The following ALG12 variants were observed in gnomAD, a reference collection of about 807,000 sequenced individuals.
The protein encoded by ALG12 is ALG12 alpha-1,6-mannosyltransferase, also known as dol-P-Man:Man(7)GlcNAc(2)-PP-Dol alpha-1,6-mannosyltransferase.
Under a neutral mutation model 46.0 loss-of-function variants are expected in ALG12, and 36 were observed. The ratio of observed to expected loss-of-function variants is 0.78; its 90% confidence interval spans 0.60 to 1.03. The LOEUF (loss-of-function observed/expected upper bound fraction) is 1.03, where lower values mean the gene tolerates loss of function less well. Ranked by LOEUF, ALG12 falls within the 50% of genes least tolerant of loss-of-function variation. The pLI, the probability that ALG12 is intolerant of heterozygous loss-of-function variation, is 0.00. For synonymous variants in ALG12, 326 were observed against 291.6 expected (o/e 1.12, Z -1.20); for missense variants, 599 against 633.5 (o/e 0.95, Z 0.58).
downstream of ALG12, among the ~76,000 whole-genome samples, chr22:49,899,282 C>G (rs1027269437): frequency 6.6e-6 from 1 of 152,044 alleles, no homozygotes; most frequent in Non-Finnish European, 1.5e-5. Context: ...CGAGACCAGC[C>G]TGGCCAATAT....
chr22:49,867,581 C>T, the ALG12 span, among the ~76,000 whole-genome samples: 1 of 152,208 alleles, frequency 6.6e-6, no homozygotes, highest in Non-Finnish European at 1.5e-5. Context: ...CCTGACCCTC[C>T]TCTGCTTTGC....
rs1243168247 is a variant in ALG12 at position 49,909,961 on chromosome 22, C to T, written c.597G>A (p.Leu199=). 1.2e-6 allele frequency: 2 copies of T among 1,614,090 alleles called. No individual in the cohort carries two copies. The highest frequency in any genetic ancestry group is 2.2e-5 in the South Asian group (2 of 91,086). Residue 199 remains leucine (L), a synonymous_variant, in exon 5 of 10, where the codon TTG becomes TTA. Transcript: ENST00000330817. ...TGACTACAGAAACCTTTCGGTTGCC[C>T]AAGGCCAGCAGCAGCAGGAGGCCCA... The part of the protein sequence containing the change: ...LFLGLLLLLA[L]GNRKVSVVRA...
intron 3 of ALG12, among the ~76,000 whole-genome samples, chr22:49,911,210 ACTT>A (rs2060574799): frequency 6.6e-6 from 1 of 152,084 alleles, no homozygotes; most frequent in African/African-American, 2.4e-5. Context: ...AGAAAAATGA[ACTT>A]CTGGGTGGCT....
chr22:49,914,324 C>T (rs2060598215), intron 1 of ALG12, among the ~76,000 whole-genome samples: 1 of 152,248 alleles, frequency 6.6e-6, no homozygotes, highest in Admixed American at 6.5e-5. Context: ...GAACGTAGTA[C>T]AGCTGCTGGG....
At chr22:49,912,057 G>A (rs1254850186) in intron 3 of ALG12, among the ~76,000 whole-genome samples, 3 of 133,252 alleles carry the variant, frequency 2.3e-5, no homozygotes, top group South Asian at 2.5e-4. Context: ...AGCCTCGGCC[G>A]CGGGATCAGC....
At chr22:49,914,284 T>C (rs7511620) in intron 1 of ALG12, among the ~76,000 whole-genome samples, 35,222 of 152,048 alleles carry the variant, frequency 0.23, 4,538 homozygotes, top group African/African-American at 0.35. Context: ...TGGAGAGTGG[T>C]GGACAGGGGC....
Position 49,901,804 on chromosome 22 carries a change from T to G in ALG12, c.*2034A>C, listed in dbSNP as rs2060508824. 1 of 141,614 alleles carries G rather than the reference T, an allele frequency of 7.1e-6. No individual in the cohort carries two copies. The highest frequency in any genetic ancestry group is 1.5e-5 in the Non-Finnish European group (1 of 66,468). 8.8% of individuals were successfully genotyped at this position (141,614 alleles called of 1,614,324 possible). A position where few individuals can be genotyped will look rare whatever the true frequency, so the allele number is the denominator to read the frequency against. ...GTGCACTGTGTGTGGTATGTATGCA[T>G]GGTGTGTGCACGTGTGCACTGTGTG... On this transcript the variant is annotated 3_prime_UTR_variant, in exon 10 of 10. Transcript: ENST00000330817.
At chr22:49,916,626 G>A (rs1455850544) in intron 1 of ALG12, among the ~76,000 whole-genome samples, 1 of 152,150 alleles carries the variant, frequency 6.6e-6, no homozygotes, top group African/African-American at 2.4e-5. Context: ...GCTCACGCCT[G>A]TAATTCCAGC....
chr22:49,879,807 G>A, the ALG12 span, among the ~76,000 whole-genome samples: 3 of 8,444 alleles, frequency 3.6e-4, no homozygotes, highest in African/African-American at 4.7e-3. Flanking sequence ...CAGTGTCTGG[G>A]CGTGTTTCTA....
chr22:49,910,164 G>C, intron 4 of ALG12, 76 bp from the exon 5 acceptor site: 895 of 1,326,696 alleles, frequency 6.7e-4, no homozygotes, highest in Non-Finnish European at 8.6e-4. Context: ...GGAAGTGAAG[G>C]GTGATTCCTT....
Position 49,909,326 on chromosome 22 carries a change from G to C in ALG12, c.686C>G (p.Ser229Cys). 6.2e-7 allele frequency: 1 copy of C among 1,614,218 alleles called. No individual in the cohort carries two copies. Among genetic ancestry groups the C allele is most frequent in the East Asian group, 2.2e-5 (1 of 44,892 alleles). Residue 229 changes from serine to cysteine, a missense_variant, in exon 6 of 10, where the codon TCT becomes TGT. Physicochemically the swap from Ser to Cys is moderately radical, Grantham distance 112. Coordinates refer to ENST00000330817, the MANE Select transcript of ALG12 (RefSeq NM_024105.4). ...CCAAGTGAGCTGCCGCCAAAAATAAGAGTCCACAGCAACCGTCAGTCCTGA... is the reference window on the plus strand; with the variant it reads ...CCAAGTGAGCTGCCGCCAAAAATAACAGTCCACAGCAACCGTCAGTCCTGA... ...LCLGLTVAVDSYFWRQLTWPE... is the reference protein window; with the variant it reads ...LCLGLTVAVDCYFWRQLTWPE...
the ALG12 span, chr22:49,883,348 TCA>T: frequency 4.4e-6 from 1 of 224,788 alleles, no homozygotes; most frequent in Middle Eastern, 1.6e-3. Context: ...TGCACAAGGG[TCA>T]CGTGTATGCT....
chr22:49,863,366 C>T, the ALG12 span, among the ~76,000 whole-genome samples: 1,066 of 152,330 alleles, frequency 7.0e-3, 9 homozygotes, highest in African/African-American at 0.024. Context: ...TGGTGGCTCA[C>T]GCCTGTAATC....
In ALG12 at chr22:49,903,768, T is replaced by C. The variant is rs1352579812; in HGVS notation, c.*70A>G. 1 of 1,522,728 alleles carries C rather than the reference T, an allele frequency of 6.6e-7. No homozygotes were observed. The highest frequency in any genetic ancestry group is 1.4e-5 in the African/African-American group (1 of 73,176). 94.3% of individuals were successfully genotyped at this position (1,522,728 alleles called of 1,614,324 possible). On this transcript the variant is annotated 3_prime_UTR_variant, in exon 10 of 10. Coordinates refer to ENST00000330817, the MANE Select transcript of ALG12 (RefSeq NM_024105.4). ...CTGAATTGTCATAATTGTGCTGGAATTGTGCCAGAAACTGGTAGTGATAAC... is the reference window on the plus strand; with the variant it reads ...CTGAATTGTCATAATTGTGCTGGAACTGTGCCAGAAACTGGTAGTGATAAC...
At chr22:49,897,820 T>A (rs2060489621), downstream of ALG12, among the ~76,000 whole-genome samples, 1 of 151,334 alleles carries the variant, frequency 6.6e-6, no homozygotes, top group East Asian at 1.9e-4. Flanking sequence ...CACGCCCGGA[T>A]AATTTTTTTG....
intron 3 of ALG12, among the ~76,000 whole-genome samples, chr22:49,912,967 T>C (rs2060587620): frequency 6.6e-6 from 1 of 152,216 alleles, no homozygotes; most frequent in Non-Finnish European, 1.5e-5. Flanking sequence ...ACCCAGGATT[T>C]GCACACAGGC....
chr22:49,864,839 A>AAAG, the ALG12 span, among the ~76,000 whole-genome samples: 7,930 of 132,934 alleles, frequency 0.06, 1,393 homozygotes, highest in African/African-American at 0.26. Flanking sequence ...AAAAAAAAAA[A>AAAG]GCCCTGATTA....
the ALG12 span, among the ~76,000 whole-genome samples, chr22:49,871,240 GCA>G: frequency 2.8e-5 from 4 of 143,908 alleles, no homozygotes; most frequent in Non-Finnish European, 6.1e-5. Context: ...TAATTCATCA[GCA>G]CTTTGGGAGG....
intron 1 of ALG12, among the ~76,000 whole-genome samples, chr22:49,914,780 A>G (rs578161035): frequency 1.2e-4 from 19 of 152,334 alleles, no homozygotes; most frequent in African/African-American, 3.6e-4. Flanking sequence ...CTGTCACCCA[A>G]GCTGGAGTGC....
Sources: allele counts gnomAD v4.1 joint callset (sites outside exome capture counted in the v4.1 genomes callset), GRCh38; gene constraint gnomAD v4.1.1; transcripts MANE v1.5; gene names NCBI Gene and HGNC (gene_info 2026-07-23, HGNC 2026-07-21).